Variants in GALNT2 observed in about 807,000 individuals in gnomAD.
GALNT2 encodes polypeptide N-acetylgalactosaminyltransferase 2, also known as UDP-GalNAc:polypeptide N-acetylgalactosaminyltransferase 2.
A neutral mutation model predicts 81.4 loss-of-function variants in GALNT2; 31 were observed. The observed-to-expected ratio is 0.38, with a 90% CI of 0.29 to 0.51. The LOEUF (loss-of-function observed/expected upper bound fraction) is 0.51, where lower values mean the gene tolerates loss of function less well. Among genes scored for constraint, GALNT2 ranks in the 20% least tolerant of loss-of-function variants. GALNT2 has a pLI of 0.87. For missense variants in GALNT2, 629 were observed against 765.7 expected, an observed-to-expected ratio of 0.82 and a Z score of 2.11; for synonymous variants, 303 against 287.4, an observed-to-expected ratio of 1.05 and a Z score of -0.55.
rs1424076501 is a variant in GALNT2, at chr1:230,243,554, G to A, written c.729+127G>A. 33 of 1,197,232 alleles carry A rather than the reference G, an allele frequency of 2.8e-5. No homozygotes were observed. Among genetic ancestry groups the A allele is most frequent in the Admixed American group, 6.6e-5 (2 of 30,092 alleles). The allele number at this position is 1,197,232 out of a possible 1,614,324, so 74.2% of individuals were successfully genotyped here. A position where few individuals can be genotyped will look rare whatever the true frequency, so the allele number is the denominator to read the frequency against. On this transcript the variant is annotated intron_variant, in intron 7 of 15. Transcript: ENST00000366672. This position sits in a 1 kb window ranked among gnomAD's most constrained non-coding sequence, Gnocchi z 4.2. ...GTCAGGGCTGGTAGGGGCTGAGCTC[G>A]CCGTCTGCAGTTTTCCTTGATAGAA...
intron 2 of GALNT2, among the ~76,000 whole-genome samples, chr1:230,192,587 C>T (rs6673444): frequency 0.11 from 17,473 of 152,168 alleles, 1,960 homozygotes; most frequent in East Asian, 0.52. Flanking sequence ...GAAGAATTTT[C>T]ATTTCAAATT....
intron 1 of GALNT2, among the ~76,000 whole-genome samples, chr1:230,148,734 G>A (rs1442433978): frequency 6.6e-6 from 1 of 151,722 alleles, no homozygotes; most frequent in African/African-American, 2.4e-5. Flanking sequence ...CTACAGGTGT[G>A]CACCACTATG....
At chr1:230,276,373 C>T (rs1227768235) in intron 15 of GALNT2, among the ~76,000 whole-genome samples, 2 of 152,030 alleles carry the variant, frequency 1.3e-5, no homozygotes, top group African/African-American at 4.8e-5. Flanking sequence ...AGTGCCTGCC[C>T]CTGTTCTTAC....
intron 2 of GALNT2, among the ~76,000 whole-genome samples, chr1:230,196,668 G>T (rs58680978): frequency 0.17 from 26,494 of 151,988 alleles, 2,675 homozygotes; most frequent in African/African-American, 0.28. Flanking sequence ...TTCTTGCCCC[G>T]TCCAGCACAC....
At chr1:230,205,903 G>A (rs1664044502) in intron 3 of GALNT2, among the ~76,000 whole-genome samples, 1 of 152,162 alleles carries the variant, frequency 6.6e-6, no homozygotes, top group Admixed American at 6.5e-5. Context: ...AAACGGAGGT[G>A]CCCGGAATGT....
intron 1 of GALNT2, among the ~76,000 whole-genome samples, chr1:230,105,965 G>A (rs1660531906): frequency 6.6e-6 from 1 of 152,072 alleles, no homozygotes; most frequent in South Asian, 2.1e-4. Context: ...AACATTTCTG[G>A]GCCTCCATAG....
At chr1:230,060,768 TG>T (rs2102732605) in intron 1 of GALNT2, among the ~76,000 whole-genome samples, 1 of 152,362 alleles carries the variant, frequency 6.6e-6, no homozygotes, top group South Asian at 2.1e-4. Flanking sequence ...GTTCTCCTTT[TG>T]TCCATTTATT....
At chr1:230,263,182 G>A in intron 13 of GALNT2, 177 bp downstream of exon 13, 1 of 606,884 alleles carries the variant, frequency 1.6e-6, no homozygotes, top group South Asian at 2.0e-5. Flanking sequence ...CTCCCAAGTT[G>A]GCCTGCTGCT....
At chr1:230,205,286 A>G (rs1664026070) in intron 3 of GALNT2, among the ~76,000 whole-genome samples, 1 of 152,180 alleles carries the variant, frequency 6.6e-6, no homozygotes, top group Non-Finnish European at 1.5e-5. Context: ...TTTGGGTTCT[A>G]GTCAGCTCTG....
At chr1:230,232,883 T>C (rs1018255934) in intron 3 of GALNT2, among the ~76,000 whole-genome samples, 3 of 152,228 alleles carry the variant, frequency 2.0e-5, no homozygotes, top group African/African-American at 4.8e-5. Context: ...GCCTGCTTTT[T>C]TCCCCCAGAC....
chr1:230,252,020 G>A (rs1665559753), intron 10 of GALNT2, among the ~76,000 whole-genome samples: 1 of 152,198 alleles, frequency 6.6e-6, no homozygotes, highest in Non-Finnish European at 1.5e-5. Flanking sequence ...AACCCTGCAA[G>A]CAGGAGCACA....
In GALNT2 at chr1:230,256,069, T is replaced by A. The variant is rs552360541; in HGVS notation, c.1136+725T>A. Among the ~76,000 whole-genome samples, 3 of 152,286 alleles carry A rather than the reference T, an allele frequency of 2.0e-5. No individual in the cohort carries two copies. The South Asian group carries it at 6.2e-4, about 32-fold the overall frequency. ...GAGCAAGAGGGGGCCAAATTCTCCC[T>A]TTTATAATAGCATCAATCCCCCCCA... On this transcript the variant is annotated intron_variant, in intron 11 of 15. Transcript: ENST00000366672.
Position 230,198,918 on chromosome 1 carries a change from C to T in GALNT2, c.221-4219C>T, listed in dbSNP as rs181435506. 1.2e-3 allele frequency among the ~76,000 whole-genome samples: 176 copies of T among 152,148 alleles called. 1 individual carries two copies. The highest frequency in any genetic ancestry group is 9.9e-4 in the Non-Finnish European group (67 of 68,008). On this transcript the variant is annotated intron_variant, in intron 2 of 15. Coordinates refer to ENST00000366672, the MANE Select transcript of GALNT2 (RefSeq NM_004481.5). The stretch of plus-strand genomic sequence containing the variant: ...TTTCTTTTCTCATGTTATTTAAATA[C>T]CTTTCTCATGTTATTTAAATGTATG...
At chr1:230,273,499 CAT>C (rs773814500) in intron 14 of GALNT2, among the ~76,000 whole-genome samples, 19 of 152,332 alleles carry the variant, frequency 1.2e-4, no homozygotes, top group Non-Finnish European at 1.0e-4. Context: ...AAGGGGTGTT[CAT>C]CCCTTTGAGT....
chr1:230,274,983 CTACATATA>C (rs964820116), intron 15 of GALNT2, among the ~76,000 whole-genome samples: 2 of 151,150 alleles, frequency 1.3e-5, no homozygotes, highest in African/African-American at 2.4e-5. Flanking sequence ...TATATACATG[CTACATATA>C]TACATATATA....
At chr1:230,247,300 C>T (rs553710590) in intron 8 of GALNT2, among the ~76,000 whole-genome samples, 10 of 152,316 alleles carry the variant, frequency 6.6e-5, no homozygotes, top group African/African-American at 1.9e-4. Flanking sequence ...GACTCAGCCA[C>T]GGTCCTAGAC....
chr1:230,119,773 A>G (rs576992794), intron 1 of GALNT2, among the ~76,000 whole-genome samples: 15 of 152,132 alleles, frequency 9.9e-5, no homozygotes, highest in Non-Finnish European at 1.5e-4. Context: ...GTTTGGTTTT[A>G]TGGCATTATG....
intron 7 of GALNT2, among the ~76,000 whole-genome samples, chr1:230,244,981 C>A (rs1213628048): frequency 6.6e-6 from 1 of 152,134 alleles, no homozygotes; most frequent in African/African-American, 2.4e-5. Flanking sequence ...CTAAGTGGCT[C>A]AGGGAAAACA....
intron 1 of GALNT2, among the ~76,000 whole-genome samples, chr1:230,097,762 A>G (rs796138289): frequency 7.2e-5 from 11 of 152,286 alleles, no homozygotes; most frequent in African/African-American, 2.6e-4. Context: ...TTTATTCTTG[A>G]TATCTCAGGA....
Sources: gnomAD v4.1 joint callset for allele counts (sites outside exome capture counted in the v4.1 genomes callset) on GRCh38, gnomAD v4.1.1 for gene constraint, Gnocchi (gnomAD v3.1) non-coding constraint, MANE v1.5 for transcripts, NCBI Gene and HGNC (gene_info 2026-07-23, HGNC 2026-07-21) for gene names.